Variants in RXFP1 observed in about 807,000 individuals in gnomAD.
The protein encoded by RXFP1 is relaxin family peptide receptor 1.
In RXFP1, 73 loss-of-function variants were observed where a neutral mutation model predicts 89.8. The ratio of observed to expected loss-of-function variants is 0.81; its 90% CI spans 0.67 to 0.99. The LOEUF (loss-of-function observed/expected upper bound fraction) is 0.99. Ranked by LOEUF, RXFP1 falls within the 50% of genes least tolerant of loss-of-function variation. The probability of loss-of-function intolerance (pLI) is 0.00; values close to 1 mark genes in which losing one functional copy is unlikely to be tolerated. For synonymous variants in RXFP1, 277 were observed against 305.5 expected, an observed-to-expected ratio of 0.91 and a Z score of 0.97; for missense variants, 793 against 895.5, an observed-to-expected ratio of 0.89 and a Z score of 1.46.
rs776394850 is a variant in RXFP1 at position 158,617,214 on chromosome 4, T to G, written c.755+9T>G. ...CCAAGACTACATTGGCTGTAAGCGA[T>G]TCTGTCTTTTTTTAAAGAACTCAAC... On this transcript the variant is annotated intron_variant, in intron 9 of 17. Coordinates refer to ENST00000307765, the MANE Select transcript of RXFP1 (RefSeq NM_021634.4). The G allele has an allele frequency of 1.3e-6, 2 of 1,588,180 alleles. No individual in the cohort carries two copies. Among genetic ancestry groups the G allele is most frequent in the Non-Finnish European group, 1.7e-6 (2 of 1,164,636 alleles).
At position 158,644,983 on chromosome 4, in the gene RXFP1, C is replaced by A; in HGVS notation, c.1190C>A (p.Ser397Ter). Residue 397 changes from serine (S) to a stop codon, truncating the protein, a stop_gained, in exon 15 of 18, where the codon TCA (serine) becomes TAA (stop). Coordinates refer to ENST00000307765, the MANE Select transcript of RXFP1 (RefSeq NM_021634.4). LOFTEE classifies it high-confidence loss of function. ...TGTAAACCAAACACTGATGGAATTT[C>A]ATCTCTAGAGAATCTCTTGGCAAGC... ...RSCKPNTDGI[S>*]SLENLLASII... 1 of 1,614,176 alleles carries A rather than the reference C, an allele frequency of 6.2e-7. No homozygotes were observed. The highest frequency in any genetic ancestry group is 8.5e-7 in the Non-Finnish European group (1 of 1,180,012).
chr4:158,637,436 A>G (rs946777057), intron 12 of RXFP1, among the ~76,000 whole-genome samples: 28 of 152,124 alleles, frequency 1.8e-4, no homozygotes, highest in African/African-American at 6.5e-4. Context: ...AAATTATTCT[A>G]AAAGGTGTGA....
At chr4:158,649,078 A>G (rs1158245005) in intron 17 of RXFP1, among the ~76,000 whole-genome samples, 1 of 147,918 alleles carries the variant, frequency 6.8e-6, no homozygotes, top group Non-Finnish European at 1.5e-5. Flanking sequence ...GCACCACTAC[A>G]CTCCAGCCTG....
chr4:158,647,742 G>T (rs1011904542), intron 16 of RXFP1, among the ~76,000 whole-genome samples: 1 of 152,154 alleles, frequency 6.6e-6, no homozygotes, highest in Admixed American at 6.5e-5. Context: ...GTGAGGCCAG[G>T]CACGGTGGCT....
Position 158,572,808 on chromosome 4 carries a change from G to A in RXFP1, c.160G>A (p.Gly54Arg). The A allele has an allele frequency of 1.2e-6, 2 of 1,614,174 alleles. No individual in the cohort carries two copies. The highest frequency in any genetic ancestry group is 1.7e-6 in the Non-Finnish European group (2 of 1,180,044). Residue 54 changes from glycine (G) to arginine (R), a missense_variant, in exon 2 of 18, where the codon GGG becomes AGG. By Grantham distance (125) the Gly-to-Arg change is moderately radical. Coordinates refer to ENST00000307765, the MANE Select transcript of RXFP1 (RefSeq NM_021634.4). Reference sequence around the variant, plus strand: ...GCACTGTAACGGTGTGGACGACTGCGGGAATCAGGCCGATGAGGACAACTG... The same window carrying A: ...GCACTGTAACGGTGTGGACGACTGCAGGAATCAGGCCGATGAGGACAACTG... ...LLHCNGVDDCGNQADEDNCGD... is the reference protein window; with the variant it reads ...LLHCNGVDDCRNQADEDNCGD...
chr4:158,572,594 G>T, intron 1 of RXFP1, 104 bp from the exon 2 acceptor site: 1 of 1,058,000 alleles, frequency 9.5e-7, no homozygotes, highest in African/African-American at 1.6e-5. Context: ...TAGAAACCAT[G>T]ATGAGAAAGA....
chr4:158,637,952 C>G, intron 12 of RXFP1, 56 bp from the exon 13 acceptor site: 1 of 1,046,174 alleles, frequency 9.6e-7, no homozygotes. Flanking sequence ...CAGATTCACT[C>G]GCTTTACTCA....
intron 1 of RXFP1, among the ~76,000 whole-genome samples, chr4:158,541,350 G>GCACGCACACACACACACA (rs1553993587): frequency 7.2e-6 from 1 of 139,794 alleles, no homozygotes. Flanking sequence ...AGAGCTTCAT[G>GCACGCACACACACACACA]CACACACACA....
intron 2 of RXFP1, among the ~76,000 whole-genome samples, chr4:158,575,876 C>G (rs762818624): frequency 1.3e-5 from 2 of 152,226 alleles, no homozygotes; most frequent in African/African-American, 4.8e-5. Context: ...TGGCCTAAAA[C>G]GTAACCATTT....
At position 158,524,940 on chromosome 4, in the gene RXFP1, G is replaced by A. The variant is rs76924710; in HGVS notation, c.49+2915G>A. Among the ~76,000 whole-genome samples the A allele has an allele frequency of 6.6e-3, 1,006 of 152,176 alleles. 11 individuals are homozygous for A. Among genetic ancestry groups the A allele is most frequent in the African/African-American group, 0.022 (933 of 41,508 alleles). ...CCACTTTAGTATTTTGCCAAGGACC[G>A]GCCCAGCTTAGTAAGGTCTTCTCTT... On this transcript the variant is annotated intron_variant, in intron 1 of 17. Coordinates refer to ENST00000307765, the MANE Select transcript of RXFP1 (RefSeq NM_021634.4).
chr4:158,558,737 G>A (rs1751843117), intron 1 of RXFP1, among the ~76,000 whole-genome samples: 1 of 152,128 alleles, frequency 6.6e-6, no homozygotes, highest in African/African-American at 2.4e-5. Flanking sequence ...AATTCTAAAC[G>A]AGGCTGCTGC....
intron 12 of RXFP1, among the ~76,000 whole-genome samples, chr4:158,634,851 G>A (rs1437164360): frequency 6.6e-6 from 1 of 152,132 alleles, no homozygotes; most frequent in African/African-American, 2.4e-5. Flanking sequence ...ATATCTGTGA[G>A]TTTATTCCTG....
Position 158,606,915 on chromosome 4 carries a change from G to GTTAGGTT in RXFP1, c.465-1054_465-1048dup. 3 of 700,146 alleles carry GTTAGGTT rather than the reference G, an allele frequency of 4.3e-6. 1 individual carries two copies. The highest frequency in any genetic ancestry group is 7.4e-6 in the Non-Finnish European group (3 of 403,588). 43.4% of individuals were successfully genotyped at this position (700,146 alleles called of 1,614,324 possible). On this transcript the variant is annotated intron_variant, in intron 5 of 17. Coordinates refer to ENST00000307765, the MANE Select transcript of RXFP1 (RefSeq NM_021634.4). ...TTTATAATAACATTTCACAATCAAA[G>GTTAGGTT]TTAGGTTTTCTTGCATGTTGGAGAA...
intron 9 of RXFP1, among the ~76,000 whole-genome samples, chr4:158,626,111 T>TCTAGATAG (rs1206675775): frequency 2.2e-5 from 3 of 136,594 alleles, no homozygotes; most frequent in South Asian, 2.4e-4. Flanking sequence ...TAGATATCTA[T>TCTAGATAG]ATAGATAGAT....
At chr4:158,541,849 T>C (rs1311136567) in intron 1 of RXFP1, among the ~76,000 whole-genome samples, 1 of 151,866 alleles carries the variant, frequency 6.6e-6, no homozygotes, top group Admixed American at 6.6e-5. Context: ...ATGAAGTCTA[T>C]ATTTATATTT....
intron 1 of RXFP1, among the ~76,000 whole-genome samples, chr4:158,536,026 G>A (rs565101825): frequency 3.3e-5 from 5 of 152,234 alleles, no homozygotes; most frequent in Admixed American, 6.5e-5. Context: ...GCTTATACAC[G>A]GTTATTTGAA....
At position 158,574,087 on chromosome 4, in the gene RXFP1, G is replaced by A. The variant is rs368233400; in HGVS notation, c.187+1252G>A. Among the ~76,000 whole-genome samples the A allele has an allele frequency of 2.0e-5, 3 of 152,162 alleles. No individual in the cohort carries two copies. In the East Asian group the frequency reaches 5.8e-4, roughly 29 times the overall value. On this transcript the variant is annotated intron_variant, in intron 2 of 17. Coordinates refer to ENST00000307765, the MANE Select transcript of RXFP1 (RefSeq NM_021634.4). ...TTAGAATTTTGTTCAAACTTCTGAA[G>A]CCTTGAAAATACAAAGTTAGAACCT...
chr4:158,636,119 G>A, intron 12 of RXFP1, among the ~76,000 whole-genome samples: 1 of 152,054 alleles, frequency 6.6e-6, no homozygotes, highest in East Asian at 1.9e-4. Context: ...TTCTCTTTAA[G>A]AAGGCAGGTG....
intron 1 of RXFP1, among the ~76,000 whole-genome samples, chr4:158,533,991 C>A (rs1744679811): frequency 6.6e-6 from 1 of 152,100 alleles, no homozygotes; most frequent in Non-Finnish European, 1.5e-5. Context: ...CCCACAAATT[C>A]TTTCTGATGC....
Sources: allele counts gnomAD v4.1 joint callset (sites outside exome capture counted in the v4.1 genomes callset), GRCh38; gene constraint gnomAD v4.1.1; transcripts MANE v1.5; gene names NCBI Gene and HGNC (gene_info 2026-07-23, HGNC 2026-07-21).